Variants in ARHGAP35 observed in about 807,000 individuals in gnomAD.
The protein encoded by ARHGAP35 is rho GTPase-activating protein 35.
In ARHGAP35, 15 loss-of-function variants were observed where a neutral mutation model predicts 111.1. The ratio of observed to expected loss-of-function variants is 0.13; its 90% CI spans 0.09 to 0.21. ARHGAP35 has a LOEUF of 0.21. Ranked by LOEUF, ARHGAP35 falls within the 10% of genes least tolerant of loss-of-function variation. The pLI is 1.00. For missense variants in ARHGAP35, 1,262 were observed against 1,873.0 expected, an observed-to-expected ratio of 0.67 and a Z score of 6.02; for synonymous variants, 643 against 710.3, an observed-to-expected ratio of 0.91 and a Z score of 1.51.
At chr19:46,944,627 C>G (rs2056368240) in intron 3 of ARHGAP35, among the ~76,000 whole-genome samples, 1 of 152,174 alleles carries the variant, frequency 6.6e-6, no homozygotes, top group African/African-American at 2.4e-5. Context: ...AGGAGGGTCT[C>G]TGGAAGTGTG....
intron 1 of ARHGAP35, among the ~76,000 whole-genome samples, chr19:46,899,038 A>G (rs991181669): frequency 6.6e-6 from 1 of 152,224 alleles, no homozygotes; most frequent in African/African-American, 2.4e-5. Flanking sequence ...GCCAGCTGGC[A>G]AAGGAGTCTG....
At chr19:46,915,336 G>A (rs1173977647) in intron 1 of ARHGAP35, among the ~76,000 whole-genome samples, 1 of 152,170 alleles carries the variant, frequency 6.6e-6, no homozygotes, top group Non-Finnish European at 1.5e-5. Context: ...CCATTATCTG[G>A]AGGCAATTGC....
At chr19:46,896,102 CA>C (rs372843607) in intron 1 of ARHGAP35, among the ~76,000 whole-genome samples, 3 of 149,906 alleles carry the variant, frequency 2.0e-5, no homozygotes, top group Non-Finnish European at 4.4e-5. Flanking sequence ...AACCCCGTCT[CA>C]AAAAAAAAGC....
At chr19:46,939,975 G>A (rs953169745) in intron 3 of ARHGAP35, among the ~76,000 whole-genome samples, 18 of 151,520 alleles carry the variant, frequency 1.2e-4, no homozygotes, top group East Asian at 2.0e-4. Flanking sequence ...AGTGGCTCAC[G>A]ACTGTAGTCC....
At position 47,000,839 on chromosome 19, in the gene ARHGAP35, A is replaced by C; in HGVS notation, c.*151A>C. ...AAGACCTCAGTGGGAGCACCAGCCA[A>C]TGGTACCATCGGCTGGGCTGCCAGG... is the stretch of plus-strand genomic sequence containing the variant. On this transcript the variant is annotated 3_prime_UTR_variant, in exon 7 of 7. Transcript: ENST00000672722. The surrounding 1 kb of genome is among the most constrained non-coding windows in gnomAD (Gnocchi z 6.9). The C allele has an allele frequency of 1.3e-6, 2 of 1,539,476 alleles. No homozygotes were observed. Among genetic ancestry groups the C allele is most frequent in the Non-Finnish European group, 1.7e-6 (2 of 1,146,624 alleles).
intron 1 of ARHGAP35, among the ~76,000 whole-genome samples, chr19:46,883,527 A>G (rs1411564247): frequency 6.6e-6 from 1 of 152,220 alleles, no homozygotes. Flanking sequence ...GCCCCAAATC[A>G]ATTGCAATAT....
At chr19:46,888,312 ATATAT>A (rs2056005593) in intron 1 of ARHGAP35, among the ~76,000 whole-genome samples, 41 of 62,450 alleles carry the variant, frequency 6.6e-4, no homozygotes, top group African/African-American at 1.3e-3. Flanking sequence ...ATATATATAT[ATATAT>A]AAAATATTGA....
intron 2 of ARHGAP35, among the ~76,000 whole-genome samples, chr19:46,932,410 G>A (rs889796131): frequency 2.0e-5 from 3 of 152,226 alleles, no homozygotes; most frequent in African/African-American, 7.2e-5. Flanking sequence ...GAAGATGGAT[G>A]TTGGGTGTTG....
chr19:46,989,399 C>T lies in ARHGAP35; in HGVS notation c.3905-145C>T, dbSNP rs923646329. On this transcript the variant is annotated intron_variant, in intron 4 of 6. Transcript: ENST00000672722. The surrounding 1 kb of genome is among the most constrained non-coding windows in gnomAD (Gnocchi z 5.3). ...ACCTCAGAACTCGCGTTAGCGCTCA[C>T]AAGTCCCACCCCTCCAATCCTTGCC... The T allele has an allele frequency of 3.7e-6, 4 of 1,080,556 alleles. No homozygotes were observed. Among genetic ancestry groups the T allele is most frequent in the African/African-American group, 3.2e-5 (2 of 63,002 alleles). The allele number at this position is 1,080,556 out of a possible 1,614,324, so 66.9% of individuals were successfully genotyped here. A position where few individuals can be genotyped will look rare whatever the true frequency, so the allele number is the denominator to read the frequency against.
At chr19:46,862,257 A>G (rs1464098141) in intron 1 of ARHGAP35, among the ~76,000 whole-genome samples, 1 of 151,864 alleles carries the variant, frequency 6.6e-6, no homozygotes, top group Non-Finnish European at 1.5e-5. Context: ...CACTTAAATG[A>G]TGTATCCCTA....
intron 3 of ARHGAP35, among the ~76,000 whole-genome samples, chr19:46,939,901 G>A (rs1267938821): frequency 6.6e-6 from 1 of 151,188 alleles, no homozygotes; most frequent in Non-Finnish European, 1.5e-5. Flanking sequence ...ACAAAACACT[G>A]TTTTGGTCCA....
At chr19:46,862,836 C>T (rs2055836122) in intron 1 of ARHGAP35, among the ~76,000 whole-genome samples, 1 of 152,128 alleles carries the variant, frequency 6.6e-6, no homozygotes, top group African/African-American at 2.4e-5. Context: ...TCACCCTTCA[C>T]TCTGCTTTAT....
At chr19:46,879,587 A>AAAATAAATAAATAAATAAAT (rs376342193) in intron 1 of ARHGAP35, among the ~76,000 whole-genome samples, 23,173 of 87,408 alleles carry the variant, frequency 0.27, 3,446 homozygotes, top group Non-Finnish European at 0.29. Flanking sequence ...ACTCCATCTC[A>AAAATAAATAAATAAATAAAT]AAATAAATAA....
chr19:46,967,558 A>G (rs979282149), intron 3 of ARHGAP35, among the ~76,000 whole-genome samples: 1 of 152,114 alleles, frequency 6.6e-6, no homozygotes, highest in Non-Finnish European at 1.5e-5. Context: ...TCAGTCCCTT[A>G]TGCACACTGC....
intron 1 of ARHGAP35, among the ~76,000 whole-genome samples, chr19:46,882,948 A>G (rs1162873105): frequency 6.6e-6 from 1 of 152,220 alleles, no homozygotes; most frequent in Non-Finnish European, 1.5e-5. Context: ...TGTTTGGCAC[A>G]AGAGGCCCAG....
chr19:46,968,185 A>C (rs2122286444), intron 3 of ARHGAP35, among the ~76,000 whole-genome samples: 1 of 152,348 alleles, frequency 6.6e-6, no homozygotes, highest in East Asian at 1.9e-4. Context: ...TTGTATACAT[A>C]GAAAGGGAGG....
intron 3 of ARHGAP35, among the ~76,000 whole-genome samples, chr19:46,974,669 G>A (rs529110221): frequency 2.6e-5 from 4 of 152,152 alleles, no homozygotes; most frequent in South Asian, 2.1e-4. Flanking sequence ...TGTGATGTCC[G>A]CTTGATTGAT....
chr19:46,992,728 T>C lies in ARHGAP35; in HGVS notation c.4036+3053T>C, dbSNP rs1420922078. Among the ~76,000 whole-genome samples the C allele has an allele frequency of 6.6e-6, 1 of 152,188 alleles. No individual in the cohort carries two copies. The highest frequency in any genetic ancestry group is 1.5e-5 in the Non-Finnish European group (1 of 68,026). ...GTAATAGCTCACAAAATTCAGTCTT[T>C]TTAATTTAAGGAGAGACCAGTCATT... is the stretch of plus-strand genomic sequence containing the variant. On this transcript the variant is annotated intron_variant, in intron 5 of 6. Transcript: ENST00000672722. The surrounding 1 kb of genome is among the most constrained non-coding windows in gnomAD (Gnocchi z 4.4).
chr19:46,943,790 A>G (rs2056363061), intron 3 of ARHGAP35, among the ~76,000 whole-genome samples: 1 of 152,088 alleles, frequency 6.6e-6, no homozygotes, highest in Non-Finnish European at 1.5e-5. Context: ...AGAGCTTGGG[A>G]GTTTGCACTG....
Sources: gnomAD v4.1 joint callset for allele counts (sites outside exome capture counted in the v4.1 genomes callset) on GRCh38, gnomAD v4.1.1 for gene constraint, Gnocchi (gnomAD v3.1) non-coding constraint, MANE v1.5 for transcripts, NCBI Gene and HGNC (gene_info 2026-07-23, HGNC 2026-07-21) for gene names.